The following ARHGEF38 variants were observed in gnomAD, a reference collection of about 807,000 sequenced individuals.
ARHGEF38 encodes Rho guanine nucleotide exchange factor (GEF) 38.
ARHGEF38 carries 79 observed loss-of-function variants against 79.9 expected under a neutral mutation model. That is an observed-to-expected ratio of 0.99 (90% CI 0.82 to 1.19). ARHGEF38 has a LOEUF of 1.19. ARHGEF38 is among the 50% of genes most tolerant of loss of function. ARHGEF38 has a pLI of 0.00. For missense variants in ARHGEF38, 962 were observed against 907.2 expected (o/e 1.06, Z -0.78); for synonymous variants, 366 against 328.3 (o/e 1.11, Z -1.24).
At chr4:105,682,228 T>C (rs1731335698), downstream of ARHGEF38, among the ~76,000 whole-genome samples, 1 of 152,178 alleles carries the variant, frequency 6.6e-6, no homozygotes, top group African/African-American at 2.4e-5. Flanking sequence ...AATCCATTGA[T>C]ATGAGAAATC....
intron 13 of ARHGEF38, among the ~76,000 whole-genome samples, chr4:105,675,385 T>C (rs1273994573): frequency 1.3e-5 from 2 of 152,238 alleles, no homozygotes; most frequent in African/African-American, 4.8e-5. Context: ...TTATTATTGC[T>C]ACCACTCCAT....
intron 13 of ARHGEF38, 47 bp downstream of exon 13, chr4:105,667,750 G>C (rs1003268051): frequency 5.9e-6 from 9 of 1,530,190 alleles, no homozygotes; most frequent in East Asian, 4.9e-5. Context: ...TCATGAAAGA[G>C]TATCTCTCTA....
At chr4:105,668,703 TA>T (rs1483088760) in intron 13 of ARHGEF38, among the ~76,000 whole-genome samples, 8 of 151,260 alleles carry the variant, frequency 5.3e-5, no homozygotes, top group East Asian at 1.9e-4. Flanking sequence ...GATAGATAGA[TA>T]GATGATAGAT....
At chr4:105,626,622 T>C (rs1018061812) in intron 3 of ARHGEF38, among the ~76,000 whole-genome samples, 6 of 152,088 alleles carry the variant, frequency 3.9e-5, no homozygotes, top group Admixed American at 1.3e-4. Flanking sequence ...ATTTACCTTA[T>C]TATTATAGAA....
chr4:105,597,634 A>G (rs895734142), intron 2 of ARHGEF38, among the ~76,000 whole-genome samples: 2 of 152,172 alleles, frequency 1.3e-5, no homozygotes, highest in Admixed American at 6.5e-5. Flanking sequence ...CCCTGAACTC[A>G]GTGGAGTTAA....
intron 2 of ARHGEF38, among the ~76,000 whole-genome samples, chr4:105,600,357 A>G (rs11721732): frequency 0.12 from 17,700 of 152,204 alleles, 1,104 homozygotes; most frequent in Middle Eastern, 0.2. Flanking sequence ...GGAGGCACTC[A>G]CTTCCCTGAC....
chr4:105,644,626 T>C (rs1729761283), intron 5 of ARHGEF38, among the ~76,000 whole-genome samples: 1 of 152,232 alleles, frequency 6.6e-6, no homozygotes, highest in Non-Finnish European at 1.5e-5. Flanking sequence ...ATAGGGATAG[T>C]AATAATAATA....
At chr4:105,621,868 GGGACACCCAGAT>G (rs1440228058) in intron 3 of ARHGEF38, among the ~76,000 whole-genome samples, 5 of 152,106 alleles carry the variant, frequency 3.3e-5, no homozygotes, top group African/African-American at 1.2e-4. Context: ...GGAGGTTTGG[GGGACACCCAGAT>G]GCAACAGTTG....
At chr4:105,628,089 A>G (rs1203830593) in intron 3 of ARHGEF38, among the ~76,000 whole-genome samples, 1 of 151,802 alleles carries the variant, frequency 6.6e-6, no homozygotes, top group East Asian at 1.9e-4. Flanking sequence ...AAACTACACC[A>G]CTCCTGTTAA....
At chr4:105,592,029 G>A (rs976899752) in intron 2 of ARHGEF38, among the ~76,000 whole-genome samples, 2 of 152,068 alleles carry the variant, frequency 1.3e-5, no homozygotes, top group Admixed American at 6.5e-5. Flanking sequence ...TTCAAATGTT[G>A]ATTTTAAATG....
At chr4:105,648,472 T>C in intron 6 of ARHGEF38, 77 bp from the exon 7 acceptor site, 2 of 1,284,804 alleles carry the variant, frequency 1.6e-6, no homozygotes, top group South Asian at 1.8e-5. Flanking sequence ...TAAATACTCG[T>C]CTTGAAAACT....
At chr4:105,557,060 C>A (rs1290695155) in intron 1 of ARHGEF38, among the ~76,000 whole-genome samples, 3 of 151,980 alleles carry the variant, frequency 2.0e-5, no homozygotes, top group African/African-American at 7.3e-5. Context: ...CTACTGGGAG[C>A]CATAGAAATT....
rs1290756662 is a variant in ARHGEF38 at position 105,552,918 on chromosome 4, G to A, written c.153G>A (p.Arg51=). The change falls in exon 1 of 14, where the codon AGG becomes AGA. Residue 51 remains arginine, a synonymous_variant. Transcript: ENST00000420470. ...SVSGDHSGTL[R]RSQSDRTEYN... ...CTGGGGACCACTCTGGCACCTTGAG[G>A]AGGAGCCAATCTGACAGGACCGAAT... 4 of 1,613,476 alleles carry A rather than the reference G, an allele frequency of 2.5e-6. No homozygotes were observed. Among genetic ancestry groups the A allele is most frequent in the African/African-American group, 1.3e-5 (1 of 74,886 alleles).
In ARHGEF38 at chr4:105,645,259, T is replaced by C. The variant is rs1729789679; in HGVS notation, c.746T>C (p.Leu249Pro). The C allele has an allele frequency of 1.3e-6, 2 of 1,536,636 alleles. No homozygotes were observed. The highest frequency in any genetic ancestry group is 1.7e-6 in the Non-Finnish European group (2 of 1,146,988). ...KPIQRVMKYP[L>P]LLCELRNSTP... Reference sequence around the variant, plus strand: ...ATTCAACGTGTGATGAAATACCCCCTATTACTGTGCGAACTTCGGAATTCC... The same window carrying C: ...ATTCAACGTGTGATGAAATACCCCCCATTACTGTGCGAACTTCGGAATTCC... Residue 249 changes from leucine (L) to proline (P), a missense_variant, in exon 6 of 14, where the codon CTA (leucine) becomes CCA (proline). By Grantham distance (98) the Leu-to-Pro change is moderately conservative. Coordinates refer to ENST00000420470, the MANE Select transcript of ARHGEF38 (RefSeq NM_001242729.2).
intron 1 of ARHGEF38, among the ~76,000 whole-genome samples, chr4:105,563,839 A>T (rs1725756141): frequency 1.3e-5 from 2 of 152,202 alleles, no homozygotes; most frequent in African/African-American, 4.8e-5. Flanking sequence ...TAGCTGTGTT[A>T]TTTTATGCCT....
intron 2 of ARHGEF38, among the ~76,000 whole-genome samples, chr4:105,610,943 G>GTAAAGTACTCTAAAA (rs1728268221): frequency 1.3e-5 from 2 of 152,048 alleles, no homozygotes; most frequent in Non-Finnish European, 2.9e-5. Flanking sequence ...TCTAAACAGA[G>GTAAAGTACTCTAAAA]ATAGTAAAGT....
chr4:105,669,108 C>T lies in ARHGEF38; in HGVS notation c.2148+1405C>T, dbSNP rs769690344. Reference sequence around the variant, plus strand: ...TAGTCCCTTCTCCCCTTGTCCTGTGCTTCAGAGACAATGCTTGGGTATATC... The same window carrying T: ...TAGTCCCTTCTCCCCTTGTCCTGTGTTTCAGAGACAATGCTTGGGTATATC... On this transcript the variant is annotated intron_variant, in intron 13 of 13. Coordinates refer to ENST00000420470, the MANE Select transcript of ARHGEF38 (RefSeq NM_001242729.2). 7.2e-5 allele frequency among the ~76,000 whole-genome samples: 11 copies of T among 152,098 alleles called. 1 individual carries two copies. The highest frequency in any genetic ancestry group is 1.2e-4 in the Non-Finnish European group (8 of 68,010).
intron 7 of ARHGEF38, among the ~76,000 whole-genome samples, chr4:105,649,471 A>G (rs375038192): frequency 1.3e-5 from 2 of 152,206 alleles, no homozygotes; most frequent in African/African-American, 4.8e-5. Flanking sequence ...AACAGAACAC[A>G]CTTGCAATTC....
In ARHGEF38 at chr4:105,648,684, T is replaced by A. The variant is rs1290357752; in HGVS notation, c.1008+2T>A. 30 of 1,505,762 alleles carry A rather than the reference T, an allele frequency of 2.0e-5. No individual in the cohort carries two copies. The highest frequency in any genetic ancestry group is 2.4e-5 in the Non-Finnish European group (27 of 1,136,524). 93.3% of individuals were successfully genotyped at this position (1,505,762 alleles called of 1,614,324 possible). A position where few individuals can be genotyped will look rare whatever the true frequency, so the allele number is the denominator to read the frequency against. On this transcript the variant is annotated splice_donor_variant, in intron 7 of 13. Transcript: ENST00000420470. LOFTEE classifies it high-confidence loss of function. ...ATTCTGACCAGAGGAGAATCACAGG[T>A]AATTTTTCTTCTTGGACCACCCACC...
Sources: allele counts gnomAD v4.1 joint callset (sites outside exome capture counted in the v4.1 genomes callset), GRCh38; gene constraint gnomAD v4.1.1; transcripts MANE v1.5; gene names NCBI Gene and HGNC (gene_info 2026-07-23, HGNC 2026-07-21).